Variants in AIM2 observed in about 807,000 individuals in gnomAD.
The protein encoded by AIM2 is absent in melanoma 2.
A neutral mutation model predicts 27.7 loss-of-function variants in AIM2; 30 were observed. That is an observed-to-expected ratio of 1.08 (90% CI 0.81 to 1.47). AIM2 has a LOEUF of 1.47. Among genes scored for constraint, AIM2 ranks in the 40% most tolerant of loss-of-function variants. The pLI is 0.00. For synonymous variants in AIM2, 141 were observed against 145.3 expected (o/e 0.97, Z 0.21); for missense variants, 358 against 411.3 (o/e 0.87, Z 1.12).
the AIM2 span, among the ~76,000 whole-genome samples, chr1:159,056,748 A>AAG: frequency 7.9e-5 from 11 of 138,620 alleles, no homozygotes; most frequent in East Asian, 2.0e-3. Context: ...AAAAAAAAAA[A>AAG]CTACCCTTTA....
chr1:159,063,563 C>A lies in AIM2; in HGVS notation c.928G>T (p.Val310Phe), dbSNP rs1655940353. ...GACAGTGTGAAGAATGTAAGTCGAA[C>A]CTTATCTCCTTCCTTACATTTCATT... is the stretch of plus-strand genomic sequence containing the variant. The part of the protein sequence containing the change: ...DTMKCKEGDK[V>F]RLTFFTLSKN... Residue 310 changes from valine (V) to phenylalanine (F), a missense_variant, in exon 5 of 6, where the codon GTT becomes TTT. Val to Phe is a conservative substitution (Grantham distance 50). Coordinates refer to ENST00000368130, the MANE Select transcript of AIM2 (RefSeq NM_004833.3). 6.2e-7 allele frequency: 1 copy of A among 1,614,168 alleles called. No homozygotes were observed. Among genetic ancestry groups the A allele is most frequent in the Non-Finnish European group, 8.5e-7 (1 of 1,180,014 alleles).
chr1:159,087,052 C>T (rs1656930622), intron 1 of AIM2, among the ~76,000 whole-genome samples: 1 of 152,172 alleles, frequency 6.6e-6, no homozygotes, highest in Non-Finnish European at 1.5e-5. Context: ...TTGTGCTACA[C>T]ATTTTTATTT....
At chr1:159,059,734 TC>T (rs1655771234), downstream of AIM2, among the ~76,000 whole-genome samples, 1 of 152,152 alleles carries the variant, frequency 6.6e-6, no homozygotes, top group Admixed American at 6.6e-5. Flanking sequence ...TCATGCTGAT[TC>T]CCCTTTGAAC....
In AIM2 at chr1:159,135,842, G is replaced by A. The variant is rs3026929; in HGVS notation, c.-16+4589C>T. Among the ~76,000 whole-genome samples the A allele has an allele frequency of 1.5e-4, 23 of 152,250 alleles. No homozygotes were observed. In the South Asian group the frequency reaches 4.8e-3, roughly 32 times the overall value. ...ATTCACCCAGAAAAAGATTTGTCCTGGAATACAACAGCCAAGCCCTCGTCT... is the reference window on the plus strand; with the variant it reads ...ATTCACCCAGAAAAAGATTTGTCCTAGAATACAACAGCCAAGCCCTCGTCT... On this transcript the variant is annotated intron_variant, in intron 1 of 2. Coordinates refer to the AIM2 transcript ENST00000368129.
Position 159,062,566 on chromosome 1 carries a change from T to C in AIM2, c.*126A>G. 2 of 797,668 alleles carry C rather than the reference T, an allele frequency of 2.5e-6. No individual in the cohort carries two copies. Among genetic ancestry groups the C allele is most frequent in the Non-Finnish European group, 4.2e-6 (2 of 479,042 alleles). 49.4% of individuals were successfully genotyped at this position (797,668 alleles called of 1,614,324 possible). On this transcript the variant is annotated 3_prime_UTR_variant, in exon 6 of 6. Coordinates refer to ENST00000368130, the MANE Select transcript of AIM2 (RefSeq NM_004833.3). Reference sequence around the variant, plus strand: ...CAGCAATTATTCTATCCTAATTTGGTGGAGAGAGGAGCCTGTGAACTGCAG... The same window carrying C: ...CAGCAATTATTCTATCCTAATTTGGCGGAGAGAGGAGCCTGTGAACTGCAG...
intron 1 of AIM2, among the ~76,000 whole-genome samples, chr1:159,103,502 C>G (rs1657359396): frequency 6.6e-6 from 1 of 152,152 alleles, no homozygotes; most frequent in African/African-American, 2.4e-5. Context: ...TCTGGAGAGA[C>G]AGCCATCTCC....
chr1:159,131,643 G>A (rs1156448517), intron 1 of AIM2, among the ~76,000 whole-genome samples: 8 of 152,166 alleles, frequency 5.3e-5, no homozygotes, highest in African/African-American at 1.9e-4. Context: ...TGGAAACTAT[G>A]AAGACATATT....
At chr1:159,114,728 A>C (rs1179318416) in intron 1 of AIM2, among the ~76,000 whole-genome samples, 1 of 152,202 alleles carries the variant, frequency 6.6e-6, no homozygotes, top group East Asian at 1.9e-4. Flanking sequence ...CCAATATCAT[A>C]CTGAATGGGC....
intron 1 of AIM2, among the ~76,000 whole-genome samples, chr1:159,131,418 CAGG>C (rs1005748088): frequency 1.3e-5 from 2 of 151,956 alleles, no homozygotes; most frequent in African/African-American, 2.4e-5. Flanking sequence ...TTTTGAATTA[CAGG>C]AGAAGTAATT....
intron 1 of AIM2, among the ~76,000 whole-genome samples, chr1:159,133,796 A>G (rs756790577): frequency 6.6e-6 from 1 of 152,140 alleles, no homozygotes; most frequent in Non-Finnish European, 1.5e-5. Flanking sequence ...TAAATGCTGA[A>G]GTTCCTCTTA....
chr1:159,129,940 C>A (rs1214454738), intron 1 of AIM2, among the ~76,000 whole-genome samples: 1 of 152,246 alleles, frequency 6.6e-6, no homozygotes, highest in Admixed American at 6.5e-5. Flanking sequence ...TGTATACACT[C>A]CTTGCTTCTC....
intron 1 of AIM2, among the ~76,000 whole-genome samples, chr1:159,101,564 G>A (rs1657313011): frequency 6.6e-6 from 1 of 152,208 alleles, no homozygotes; most frequent in Non-Finnish European, 1.5e-5. Context: ...AGGCTCAGAA[G>A]AAGACAAGAA....
chr1:159,114,827 G>A (rs1647287298), intron 1 of AIM2, among the ~76,000 whole-genome samples: 1 of 152,128 alleles, frequency 6.6e-6, no homozygotes, highest in Non-Finnish European at 1.5e-5. Context: ...TGGAAGTTCT[G>A]GCCAGGGCAA....
At chr1:159,120,309 T>C (rs59719871) in intron 1 of AIM2, among the ~76,000 whole-genome samples, 12,173 of 152,252 alleles carry the variant, frequency 0.08, 795 homozygotes, top group South Asian at 0.31. Flanking sequence ...AGACACTTAA[T>C]ATAATTCCTT....
At chr1:159,145,883 A>C (rs562556987) in intron 1 of AIM2, among the ~76,000 whole-genome samples, 37 of 152,154 alleles carry the variant, frequency 2.4e-4, no homozygotes, top group Non-Finnish European at 3.8e-4. Context: ...CAAGACAGGC[A>C]GATCACGAGG....
At chr1:159,122,016 G>A (rs1647549530) in intron 1 of AIM2, among the ~76,000 whole-genome samples, 3 of 152,094 alleles carry the variant, frequency 2.0e-5, no homozygotes. Flanking sequence ...TTCATTTGAA[G>A]ATATGATTGC....
At chr1:159,142,647 C>T (rs1648137146), upstream of AIM2, among the ~76,000 whole-genome samples, 1 of 152,166 alleles carries the variant, frequency 6.6e-6, no homozygotes, top group African/African-American at 2.4e-5. Flanking sequence ...ATCAAAGTGA[C>T]CAACCCTCCA....
At chr1:159,114,734 T>A (rs976665865) in intron 1 of AIM2, among the ~76,000 whole-genome samples, 3 of 152,166 alleles carry the variant, frequency 2.0e-5, no homozygotes, top group Non-Finnish European at 4.4e-5. Flanking sequence ...TCATACTGAA[T>A]GGGCAAAAAC....
At chr1:159,061,584 T>C (rs377016374), downstream of AIM2, among the ~76,000 whole-genome samples, 392 of 131,886 alleles carry the variant, frequency 3.0e-3, 5 homozygotes, top group African/African-American at 0.01. Flanking sequence ...TTTTTTTTTT[T>C]AGTAGAGATG....
Sources: allele counts gnomAD v4.1 joint callset (sites outside exome capture counted in the v4.1 genomes callset), GRCh38; gene constraint gnomAD v4.1.1; transcripts MANE v1.5; gene names NCBI Gene and HGNC (gene_info 2026-07-23, HGNC 2026-07-21).